MORF4L1: variants seen among roughly 807,000 people sequenced by gnomAD.
MORF4L1 encodes mortality factor 4-like protein 1.
MORF4L1 carries 4 observed loss-of-function variants against 52.9 expected under a neutral mutation model. The observed-to-expected ratio is 0.08, with a 90% CI of 0.04 to 0.17. MORF4L1 has a LOEUF of 0.17. MORF4L1 is among the 10% of genes least tolerant of loss of function. MORF4L1 has a pLI of 1.00. For missense variants in MORF4L1, 214 were observed against 390.4 expected, an observed-to-expected ratio of 0.55 and a Z score of 3.81; for synonymous variants, 123 against 134.8, an observed-to-expected ratio of 0.91 and a Z score of 0.61.
intron 5 of MORF4L1, among the ~76,000 whole-genome samples, chr15:78,890,097 A>T (rs932811154): frequency 6.6e-6 from 1 of 152,046 alleles, no homozygotes; most frequent in Admixed American, 6.6e-5. Context: ...GTGGGTGCCT[A>T]TGGTCCCAGC....
Position 78,891,536 on chromosome 15 carries a change from G to A in MORF4L1, c.402G>A (p.Arg134=), listed in dbSNP as rs761068435. 1 of 1,613,978 alleles carries A rather than the reference G, an allele frequency of 6.2e-7. No homozygotes were observed. Among genetic ancestry groups the A allele is most frequent in the East Asian group, 2.2e-5 (1 of 44,878 alleles). The change falls in exon 7 of 12, where the codon CGG becomes CGA. Residue 134 remains arginine, a synonymous_variant. Coordinates refer to ENST00000426013, the MANE Select transcript of MORF4L1 (RefSeq NM_006791.4). ...GSTSETPQPP[R]KKRARVDPTV... ...CCAGTGAGACCCCTCAGCCTCCTCG[G>A]AAGAAAAGGGCCCGGGTAGATCCTA...
chr15:78,884,701 T>C (rs1035470616), intron 3 of MORF4L1, among the ~76,000 whole-genome samples: 4 of 147,394 alleles, frequency 2.7e-5, no homozygotes, highest in Non-Finnish European at 1.5e-5. Flanking sequence ...ATCTCAAAAA[T>C]AATCTCATTT....
At chr15:78,874,767 C>T (rs2056450870) in intron 1 of MORF4L1, among the ~76,000 whole-genome samples, 1 of 151,238 alleles carries the variant, frequency 6.6e-6, no homozygotes, top group African/African-American at 2.4e-5. Context: ...CCTTGAGAAG[C>T]TGTTGACTCT....
At chr15:78,882,464 T>C (rs1175565463) in intron 3 of MORF4L1, among the ~76,000 whole-genome samples, 1 of 152,254 alleles carries the variant, frequency 6.6e-6, no homozygotes, top group Non-Finnish European at 1.5e-5. Flanking sequence ...TAAACTGTGC[T>C]TTTAGTACTA....
rs1181997035 is a variant in MORF4L1, at chr15:78,897,227, G to C, written c.*160G>C. On this transcript the variant is annotated 3_prime_UTR_variant, in exon 12 of 12. Transcript: ENST00000426013. The stretch of plus-strand genomic sequence containing the variant: ...AGAGAAAAAATAAAAGGGGGTAATA[G>C]CTCCTTTTTTCTTCTTTCTTTTTTT... 12 of 531,208 alleles carry C rather than the reference G, an allele frequency of 2.3e-5. No homozygotes were observed. The highest frequency in any genetic ancestry group is 4.0e-5 in the Non-Finnish European group (12 of 298,300). The allele number at this position is 531,208 out of a possible 1,614,324, so 32.9% of individuals were successfully genotyped here.
rs1567309604 is a variant in MORF4L1, at chr15:78,886,207, A to G, written c.222A>G (p.Arg74=). 2 of 1,614,032 alleles carry G rather than the reference A, an allele frequency of 1.2e-6. No individual in the cohort carries two copies. Among genetic ancestry groups the G allele is most frequent in the Non-Finnish European group, 1.7e-6 (2 of 1,179,848 alleles). The change falls in exon 4 of 12, where the codon CGA becomes CGG. Residue 74 remains arginine (R), a synonymous_variant. Transcript: ENST00000426013. ...TGGACACCAATTTGCAGAAACAGCG[A>G]GAACTTCAAAAAGCCAATCAGTAAG... ...KYVDTNLQKQ[R]ELQKANQEQY...
intron 3 of MORF4L1, among the ~76,000 whole-genome samples, chr15:78,881,009 G>T (rs2056592214): frequency 1.3e-5 from 2 of 151,872 alleles, no homozygotes; most frequent in Admixed American, 6.6e-5. Flanking sequence ...TAGAAAAGGG[G>T]AAAGGATAAA....
chr15:78,880,620 A>G, intron 3 of MORF4L1, 41 bp downstream of exon 3: 1 of 1,428,920 alleles, frequency 7.0e-7, no homozygotes, highest in Non-Finnish European at 9.7e-7. Flanking sequence ...AATTAACAAG[A>G]TAGCTTGTGT....
chr15:78,880,796 T>C (rs1269766223), intron 3 of MORF4L1, among the ~76,000 whole-genome samples: 1 of 152,152 alleles, frequency 6.6e-6, no homozygotes, highest in Admixed American at 6.5e-5. Context: ...ATATTTGTTA[T>C]GTTCTAGTGT....
At chr15:78,878,354 T>A in intron 2 of MORF4L1, 95 bp downstream of exon 2, 1 of 1,097,236 alleles carries the variant, frequency 9.1e-7, no homozygotes, top group Non-Finnish European at 1.3e-6. Context: ...GTTGCCTCAG[T>A]AAGAGAGTTG....
intron 11 of MORF4L1, among the ~76,000 whole-genome samples, chr15:78,895,875 ATCTTT>A (rs562312696): frequency 1.6e-3 from 238 of 152,274 alleles, no homozygotes; most frequent in South Asian, 9.5e-3. Flanking sequence ...AAGATTTATC[ATCTTT>A]TCTTTACTAA....
chr15:78,887,895 C>T (rs1296478689), intron 5 of MORF4L1, among the ~76,000 whole-genome samples: 1 of 152,208 alleles, frequency 6.6e-6, no homozygotes, highest in Non-Finnish European at 1.5e-5. Flanking sequence ...TCTCCTGCCT[C>T]AGCCTCCCAA....
chr15:78,884,639 CAAAAAAA>C (rs71148577), intron 3 of MORF4L1, among the ~76,000 whole-genome samples: 3 of 89,516 alleles, frequency 3.4e-5, no homozygotes, highest in African/African-American at 5.0e-5. Context: ...AACTCTGTCT[CAAAAAAA>C]AAAAAAAAAA....
chr15:78,889,321 C>G lies in MORF4L1; in HGVS notation c.324-1668C>G, dbSNP rs73477674. Among the ~76,000 whole-genome samples the G allele has an allele frequency of 2.1e-3, 321 of 152,240 alleles. 2 individuals are homozygous for G. Among genetic ancestry groups the G allele is most frequent in the African/African-American group, 7.4e-3 (308 of 41,536 alleles). On this transcript the variant is annotated intron_variant, in intron 5 of 11. Transcript: ENST00000426013. ...TATCCCTTATCTGAAGTGTTTCGGA[C>G]CAGAAGCGTTTCAGATTCCAGACTT...
In MORF4L1 at chr15:78,886,180, C is replaced by T. The variant is rs370065902; in HGVS notation, c.195C>T (p.Tyr65=). Residue 65 remains tyrosine (Y), a synonymous_variant, in exon 4 of 12, where the codon TAC becomes TAT. Transcript: ENST00000426013. Reference sequence around the variant, plus strand: ...TTCCGGAGAGCAGAGTACTCAAATACGTGGACACCAATTTGCAGAAACAGC... The same window carrying T: ...TTCCGGAGAGCAGAGTACTCAAATATGTGGACACCAATTTGCAGAAACAGC... The part of the protein sequence containing the change: ...EWVPESRVLK[Y]VDTNLQKQRE... The T allele has an allele frequency of 3.7e-6, 6 of 1,614,052 alleles. No homozygotes were observed. Among genetic ancestry groups the T allele is most frequent in the East Asian group, 2.2e-5 (1 of 44,866 alleles).
At chr15:78,893,662 G>T in intron 9 of MORF4L1, 35 bp downstream of exon 9, 1 of 1,407,166 alleles carries the variant, frequency 7.1e-7, no homozygotes, top group South Asian at 1.3e-5. Context: ...ACACTCAAAA[G>T]ACATTTAAAA....
intron 8 of MORF4L1, 75 bp from the exon 9 acceptor site, chr15:78,893,463 GT>G (rs1157095044): frequency 1.1e-6 from 1 of 934,990 alleles, no homozygotes; most frequent in African/African-American, 1.6e-5. Context: ...CCTGATCTTT[GT>G]ATAAAAACTT....
chr15:78,895,643 G>T (rs2056874903), intron 11 of MORF4L1, among the ~76,000 whole-genome samples: 5 of 152,168 alleles, frequency 3.3e-5, no homozygotes, highest in Admixed American at 3.3e-4. Context: ...AGAGGAGTAT[G>T]GTGTAATTGT....
intron 2 of MORF4L1, among the ~76,000 whole-genome samples, chr15:78,879,871 T>G (rs140743892): frequency 1.0e-3 from 156 of 152,328 alleles, no homozygotes; most frequent in African/African-American, 3.4e-3. Context: ...AACTGGCTGA[T>G]TTTTCTCCTG....
Sources: gnomAD v4.1 joint callset for allele counts (sites outside exome capture counted in the v4.1 genomes callset) on GRCh38, gnomAD v4.1.1 for gene constraint, MANE v1.5 for transcripts, NCBI Gene and HGNC (gene_info 2026-07-23, HGNC 2026-07-21) for gene names.